The following POLN variants were observed in gnomAD, a reference collection of about 807,000 sequenced individuals.
The protein encoded by POLN is DNA polymerase nu, also known as DNA polymerase N.
POLN carries 108 observed loss-of-function variants against 113.5 expected under a neutral mutation model. The ratio of observed to expected loss-of-function variants is 0.95; its 90% CI spans 0.81 to 1.12. The LOEUF is 1.12. Among genes scored for constraint, POLN ranks in the 50% most tolerant of loss-of-function variants. The probability of loss-of-function intolerance (pLI) is 0.00; values close to 1 mark genes in which losing one functional copy is unlikely to be tolerated. For synonymous variants in POLN, 386 were observed against 391.5 expected (o/e 0.99, Z 0.17); for missense variants, 1,097 against 1,077.1 (o/e 1.02, Z -0.26).
intron 19 of POLN, among the ~76,000 whole-genome samples, chr4:2,118,729 C>T (rs548483143): frequency 5.3e-5 from 8 of 152,352 alleles, no homozygotes; most frequent in African/African-American, 1.9e-4. Flanking sequence ...GCAGATGCCA[C>T]GATAGGCCAG....
chr4:2,081,502 A>G, intron 22 of POLN, 131 bp downstream of exon 22: 1 of 840,910 alleles, frequency 1.2e-6, no homozygotes. Flanking sequence ...GGGTAGTGTA[A>G]GCTCCTGCAA....
intron 4 of POLN, among the ~76,000 whole-genome samples, chr4:2,212,691 C>G (rs6855461): frequency 6.6e-6 from 1 of 152,006 alleles, no homozygotes; most frequent in East Asian, 1.9e-4. Flanking sequence ...CAGCCTAGGT[C>G]GATCACCTCC....
intron 19 of POLN, among the ~76,000 whole-genome samples, chr4:2,098,013 G>A (rs1237252770): frequency 6.6e-6 from 1 of 152,216 alleles, no homozygotes; most frequent in African/African-American, 2.4e-5. Context: ...AAGTACCAAT[G>A]CATTTCCAGT....
At chr4:2,139,989 C>T (rs2108730609) in intron 16 of POLN, 1 of 152,266 alleles carries the variant, frequency 6.6e-6, no homozygotes, top group South Asian at 2.1e-4. Flanking sequence ...TTCTGGAAAA[C>T]AGAATAGAAC....
intron 5 of POLN, 88 bp downstream of exon 5, chr4:2,207,899 C>A (rs1204839313): frequency 7.0e-7 from 1 of 1,435,166 alleles, no homozygotes; most frequent in Non-Finnish European, 9.3e-7. Context: ...AATCTTGTTT[C>A]TAGCTCTCCT....
At chr4:2,153,666 C>T (rs1561045985) in intron 16 of POLN, among the ~76,000 whole-genome samples, 1 of 151,750 alleles carries the variant, frequency 6.6e-6, no homozygotes, top group Non-Finnish European at 1.5e-5. Flanking sequence ...TCACTGCAAG[C>T]TCTGCTCCCA....
chr4:2,221,829 C>A (rs1406743619), intron 3 of POLN, among the ~76,000 whole-genome samples: 1 of 152,176 alleles, frequency 6.6e-6, no homozygotes, highest in Non-Finnish European at 1.5e-5. Flanking sequence ...CCCGCCTCAG[C>A]CTCCCAAAAT....
intron 19 of POLN, among the ~76,000 whole-genome samples, chr4:2,100,700 G>GGAA (rs769844238): frequency 1.3e-5 from 2 of 152,128 alleles, no homozygotes; most frequent in Admixed American, 1.3e-4. Context: ...GGAAGAACAG[G>GGAA]GAAAGGTACA....
rs116377774 is a variant in POLN, at chr4:2,148,282, A to T, written c.1731+8506T>A. ...AAAAGTGAGTCTCAGTGAGCTATGGACAAATTCAGTGAGCTATGGGACAAA... is the reference window on the plus strand; with the variant it reads ...AAAAGTGAGTCTCAGTGAGCTATGGTCAAATTCAGTGAGCTATGGGACAAA... On this transcript the variant is annotated intron_variant, in intron 16 of 25. Transcript: ENST00000511885. Among the ~76,000 whole-genome samples the T allele has an allele frequency of 9.1e-3, 1,378 of 152,264 alleles. 19 individuals are homozygous for T. Among genetic ancestry groups the T allele is most frequent in the African/African-American group, 0.031 (1,268 of 41,540 alleles).
chr4:2,233,225 C>T (rs768114272), intron 2 of POLN, among the ~76,000 whole-genome samples: 18 of 152,164 alleles, frequency 1.2e-4, no homozygotes, highest in Non-Finnish European at 2.2e-4. Context: ...TGAGAAACAA[C>T]AATCTCATCT....
intron 9 of POLN, among the ~76,000 whole-genome samples, chr4:2,175,084 G>A (rs1023753613): frequency 1.3e-5 from 2 of 151,934 alleles, no homozygotes; most frequent in Admixed American, 6.6e-5. Context: ...TTGGCCTCCC[G>A]AAGTGCTGGG....
At chr4:2,158,054 T>G (rs878944414) in intron 14 of POLN, 143 bp from the exon 15 acceptor site, 2 of 472,696 alleles carry the variant, frequency 4.2e-6, no homozygotes, top group South Asian at 5.6e-5. Flanking sequence ...TGGGGTCAAG[T>G]GATTCTCTTG....
chr4:2,112,953 A>G (rs555870279), intron 19 of POLN, among the ~76,000 whole-genome samples: 4 of 152,156 alleles, frequency 2.6e-5, no homozygotes, highest in Non-Finnish European at 5.9e-5. Context: ...TTATTGTGGC[A>G]CTATTCCCAA....
chr4:2,082,371 C>A (rs984096991), intron 21 of POLN, among the ~76,000 whole-genome samples: 1 of 152,170 alleles, frequency 6.6e-6, no homozygotes, highest in African/African-American at 2.4e-5. Flanking sequence ...CCAGGAGTAA[C>A]TCTGGACTGT....
In POLN at chr4:2,176,290, T is replaced by C. The variant is rs564995835; in HGVS notation, c.1224A>G (p.Thr408=). Residue 408 remains threonine (T), a synonymous_variant, in exon 9 of 26, where the codon ACA becomes ACG. Coordinates refer to ENST00000511885, the MANE Select transcript of POLN (RefSeq NM_181808.4). ...CCTTCAGTTTAGAGCAAAGGTCCAT[T>C]GTAAGTCTGTAGAGTGTCTTCAGGT... ...RENLKTLYRL[T]MDLCSKLKDY... 1.2e-6 allele frequency: 2 copies of C among 1,604,884 alleles called. No homozygotes were observed. The highest frequency in any genetic ancestry group is 1.3e-5 in the African/African-American group (1 of 74,548).
intron 5 of POLN, among the ~76,000 whole-genome samples, chr4:2,206,669 A>G (rs1156655955): frequency 6.6e-6 from 1 of 152,262 alleles, no homozygotes; most frequent in African/African-American, 2.4e-5. Context: ...ACTAATGATC[A>G]TGGAAATGCA....
At chr4:2,116,831 G>T (rs1731328140) in intron 19 of POLN, among the ~76,000 whole-genome samples, 1 of 152,216 alleles carries the variant, frequency 6.6e-6, no homozygotes, top group African/African-American at 2.4e-5. Context: ...CTGAAAGTCA[G>T]TCTAGAGTAC....
intron 7 of POLN, among the ~76,000 whole-genome samples, chr4:2,188,697 T>C (rs961008582): frequency 6.6e-6 from 1 of 151,524 alleles, no homozygotes; most frequent in African/African-American, 2.4e-5. Flanking sequence ...CTGGTAAAAG[T>C]AAATACACAG....
intron 2 of POLN, chr4:2,240,926 AAACTCATTTCCAC>A: frequency 6.3e-7 from 1 of 1,598,366 alleles, no homozygotes; most frequent in Non-Finnish European, 8.5e-7. Context: ...ATGTTTCCAC[AAACTCATTTCCAC>A]AACTCATGGT....
Sources: gnomAD v4.1 joint callset for allele counts (sites outside exome capture counted in the v4.1 genomes callset) on GRCh38, gnomAD v4.1.1 for gene constraint, MANE v1.5 for transcripts, NCBI Gene and HGNC (gene_info 2026-07-23, HGNC 2026-07-21) for gene names.